Variants in HSF1 observed in about 807,000 individuals in gnomAD.
The protein encoded by HSF1 is heat shock factor protein 1.
Under a neutral mutation model 51.7 loss-of-function variants are expected in HSF1, and 32 were observed. The observed-to-expected ratio is 0.62, with a 90% CI of 0.47 to 0.83. The LOEUF (loss-of-function observed/expected upper bound fraction) is 0.83, where lower values mean the gene tolerates loss of function less well. Ranked by LOEUF, HSF1 falls within the 40% of genes least tolerant of loss-of-function variation. The pLI is 0.00. For missense variants in HSF1, 727 were observed against 717.0 expected (o/e 1.01, Z -0.16); for synonymous variants, 396 against 309.7 (o/e 1.28, Z -2.92).
At chr8:144,313,272 G>A in intron 9 of HSF1, 1 of 521,600 alleles carries the variant, frequency 1.9e-6, no homozygotes. Flanking sequence ...CTGCCACCAA[G>A]GCCCCCAGGC....
At chr8:144,310,097 T>A in intron 4 of HSF1, 1 of 614,266 alleles carries the variant, frequency 1.6e-6, no homozygotes, top group East Asian at 2.9e-5. Flanking sequence ...GTTTTCCATG[T>A]GCAGAAGGGG....
Position 144,297,620 on chromosome 8 carries a change from C to T in HSF1, c.117+5746C>T, listed in dbSNP as rs564896210. Among the ~76,000 whole-genome samples the T allele has an allele frequency of 3.3e-5, 5 of 152,284 alleles. No homozygotes were observed. Among genetic ancestry groups the T allele is most frequent in the South Asian group, 2.1e-4 (1 of 4,828 alleles). On this transcript the variant is annotated intron_variant, in intron 1 of 12. Transcript: ENST00000528838. This position sits in a 1 kb window ranked among gnomAD's most constrained non-coding sequence, Gnocchi z 4.6. ...CCTCACTGCTTCCATGCCCTGACTC[C>T]GGTGGTCCCTGCTCCCCACACGTGG...
rs191891262 is a variant in HSF1, at chr8:144,314,714, T to C, written c.*384T>C. ...GGCAGAGATCTATAAACAGACAGGC[T>C]CTATGCTATGGCCTCCATGTGTTTC... is the stretch of plus-strand genomic sequence containing the variant. On this transcript the variant is annotated 3_prime_UTR_variant, in exon 13 of 13. Transcript: ENST00000528838. 6 of 245,236 alleles carry C rather than the reference T, an allele frequency of 2.4e-5. No individual in the cohort carries two copies. Among genetic ancestry groups the C allele is most frequent in the Non-Finnish European group, 4.0e-5 (5 of 125,538 alleles). The allele number at this position is 245,236 out of a possible 1,614,324, so 15.2% of individuals were successfully genotyped here.
intron 9 of HSF1, chr8:144,313,273 G>A: frequency 1.9e-6 from 1 of 521,776 alleles, no homozygotes; most frequent in Non-Finnish European, 3.4e-6. Context: ...TGCCACCAAG[G>A]CCCCCAGGCC....
At chr8:144,311,660 C>G in intron 7 of HSF1, 40 bp from the exon 8 acceptor site, 1 of 1,610,996 alleles carries the variant, frequency 6.2e-7, no homozygotes. Flanking sequence ...GGTGGGTTGC[C>G]CCTGCCGGCA....
intron 1 of HSF1, among the ~76,000 whole-genome samples, chr8:144,303,809 C>T (rs570977611): frequency 1.4e-4 from 22 of 152,148 alleles, no homozygotes; most frequent in African/African-American, 4.8e-4. Context: ...ACCCAGGAGG[C>T]GGAGGTTGCA....
intron 1 of HSF1, among the ~76,000 whole-genome samples, chr8:144,294,249 G>C (rs1815308321): frequency 6.6e-6 from 1 of 152,166 alleles, no homozygotes; most frequent in Non-Finnish European, 1.5e-5. Flanking sequence ...GCCTGGCCTG[G>C]AGAAAGGAGG....
chr8:144,299,401 C>T (rs1344731801), intron 1 of HSF1, among the ~76,000 whole-genome samples: 1 of 149,480 alleles, frequency 6.7e-6, no homozygotes, highest in Non-Finnish European at 1.5e-5. Context: ...CGCATCACTG[C>T]ACTTCAGCCT....
In HSF1 at chr8:144,312,054, C is replaced by CCATCTT. The variant is rs782747196; in HGVS notation, c.954_959dup (p.Ser319_Ser320dup). On this transcript the variant is annotated inframe_insertion, in exon 9 of 13. Transcript: ENST00000528838. The stretch of plus-strand genomic sequence containing the variant: ...GGTAGAGGAGGCGAGTCCCGGGCGC[C>CCATCTT]CATCTTCCGTGGACACCCTCTTGTC... 1.2e-6 allele frequency: 2 copies of CCATCTT among 1,612,236 alleles called. No homozygotes were observed. Among genetic ancestry groups the CCATCTT allele is most frequent in the East Asian group, 4.5e-5 (2 of 44,856 alleles).
At position 144,314,194 on chromosome 8, in the gene HSF1, G is replaced by A. The variant is rs530108041; in HGVS notation, c.1454G>A (p.Ser485Asn). 6.5e-7 allele frequency: 1 copy of A among 1,549,810 alleles called. No homozygotes were observed. Among genetic ancestry groups the A allele is most frequent in the Non-Finnish European group, 8.7e-7 (1 of 1,146,832 alleles). The change falls in exon 13 of 13, where the codon AGC becomes AAC. Residue 485 changes from serine to asparagine, a missense_variant. This residue lies in a region of HSF1 where 470 missense variants were observed against 398.8 expected (regional missense o/e 1.18). Transcript: ENST00000528838. Reference protein sequence around the residue: ...LLDPGSVDTGSNDLPVLFELG... With the variant: ...LLDPGSVDTGNNDLPVLFELG... ...GACCCCGGCTCCGTGGACACCGGGA[G>A]CAACGACCTGCCGGTGCTGTTTGAG...
chr8:144,312,771 ACAGCCGTGGACCAGACC>A, intron 9 of HSF1: 1 of 1,420,808 alleles, frequency 7.0e-7, no homozygotes, highest in Non-Finnish European at 9.6e-7. Flanking sequence ...GCCCTCCCAC[ACAGCCGTGGACCAGACC>A]CAGCCTGGCC....
chr8:144,304,310 C>T (rs1412706374), intron 1 of HSF1, among the ~76,000 whole-genome samples: 1 of 152,190 alleles, frequency 6.6e-6, no homozygotes, highest in Non-Finnish European at 1.5e-5. Context: ...CTGTTATATG[C>T]GTTTAGGACA....
At chr8:144,310,839 G>T in intron 4 of HSF1, 1 of 383,420 alleles carries the variant, frequency 2.6e-6, no homozygotes, top group South Asian at 2.8e-5. Context: ...TGGAAGGGCG[G>T]CCCAAGGGTC....
At chr8:144,294,933 T>C (rs891867908) in intron 1 of HSF1, among the ~76,000 whole-genome samples, 1 of 152,068 alleles carries the variant, frequency 6.6e-6, no homozygotes, top group African/African-American at 2.4e-5. Context: ...ACGTGGGTGG[T>C]CCTCCCTCAG....
chr8:144,311,222 T>C lies in HSF1; in HGVS notation c.537T>C (p.His179=). The C allele has an allele frequency of 4.3e-6, 7 of 1,611,810 alleles. No individual in the cohort carries two copies. Among genetic ancestry groups the C allele is most frequent in the Non-Finnish European group, 5.9e-6 (7 of 1,179,410 alleles). The change falls in exon 5 of 13, where the codon CAT becomes CAC. Residue 179 remains histidine (H), a synonymous_variant. Transcript: ENST00000528838. ...WREVASLRQK[H]AQQQKVVNKL... ...AGGTGGCCAGCCTTCGGCAGAAGCA[T>C]GCCCAGCAACAGAAAGTCGTCAACA... is the stretch of plus-strand genomic sequence containing the variant.
intron 1 of HSF1, among the ~76,000 whole-genome samples, chr8:144,301,725 C>T (rs1022888696): frequency 5.9e-5 from 9 of 152,010 alleles, no homozygotes; most frequent in Non-Finnish European, 1.0e-4. Flanking sequence ...ATTAGCCGGG[C>T]GTGGTGGCGG....
At chr8:144,305,983 T>C (rs1816200191) in intron 1 of HSF1, among the ~76,000 whole-genome samples, 1 of 151,934 alleles carries the variant, frequency 6.6e-6, no homozygotes, top group East Asian at 1.9e-4. Flanking sequence ...CCGCCTGCCT[T>C]GGCCTCCCAA....
At chr8:144,310,239 G>A (rs908873775) in intron 4 of HSF1, 3 of 235,068 alleles carry the variant, frequency 1.3e-5, no homozygotes, top group Admixed American at 1.1e-4. Flanking sequence ...CGTCCCACCC[G>A]CCTCGGGCCT....
At position 144,313,444 on chromosome 8, in the gene HSF1, C is replaced by T. The variant is rs905745501; in HGVS notation, c.1143-67C>T. 42 of 1,061,708 alleles carry T rather than the reference C, an allele frequency of 4.0e-5. No homozygotes were observed. In the Middle Eastern group the frequency reaches 6.0e-4, roughly 15 times the overall value. 65.8% of individuals were successfully genotyped at this position (1,061,708 alleles called of 1,614,324 possible). ...GGGTACAGTCAAGGGGAGCCCTTCT[C>T]CCACAGGAGGGCATTGGGGTGTGGG... is the stretch of plus-strand genomic sequence containing the variant. On this transcript the variant is annotated intron_variant, in intron 9 of 12. Transcript: ENST00000528838.
Sources: allele counts gnomAD v4.1 joint callset (sites outside exome capture counted in the v4.1 genomes callset), GRCh38; gene constraint gnomAD v4.1.1; regional missense constraint gnomAD v4.1.1; non-coding constraint Gnocchi (gnomAD v3.1); transcripts MANE v1.5; gene names NCBI Gene and HGNC (gene_info 2026-07-23, HGNC 2026-07-21).